The following MARCO variants were observed in gnomAD, a reference collection of about 807,000 sequenced individuals.
MARCO encodes macrophage receptor with collagenous structure.
A neutral mutation model predicts 70.0 loss-of-function variants in MARCO; 72 were observed. That is an observed-to-expected ratio of 1.03 (90% CI 0.85 to 1.25). The LOEUF is 1.25. MARCO is among the 50% of genes most tolerant of loss of function. The probability of loss-of-function intolerance (pLI) is 0.00; values close to 1 mark genes in which losing one functional copy is unlikely to be tolerated. For synonymous variants in MARCO, 273 were observed against 243.1 expected (o/e 1.12, Z -1.14); for missense variants, 696 against 659.3 (o/e 1.06, Z -0.61).
chr2:118,978,855 A>C (rs2104592592), intron 8 of MARCO, among the ~76,000 whole-genome samples: 1 of 152,282 alleles, frequency 6.6e-6, no homozygotes. Flanking sequence ...TAGTATTAGT[A>C]ATAATAATAG....
intron 12 of MARCO, among the ~76,000 whole-genome samples, chr2:118,986,883 C>G (rs1680528772): frequency 6.6e-6 from 1 of 152,134 alleles, no homozygotes; most frequent in Non-Finnish European, 1.5e-5. Flanking sequence ...TCAGCTTGAA[C>G]TTACCCCTGA....
At chr2:118,986,664 GGAAGGA>G (rs1680504039) in intron 12 of MARCO, among the ~76,000 whole-genome samples, 2 of 35,374 alleles carry the variant, frequency 5.7e-5, no homozygotes, top group East Asian at 7.4e-4. Context: ...AAGGAAGGAA[GGAAGGA>G]AGGAAAGAAA....
At chr2:118,964,089 C>T (rs28877606) in intron 1 of MARCO, among the ~76,000 whole-genome samples, 27,997 of 152,080 alleles carry the variant, frequency 0.18, 3,398 homozygotes, top group African/African-American at 0.33. Flanking sequence ...TTGCAATATA[C>T]ATACAGAACA....
At chr2:118,944,753 A>T (rs1043461586) in intron 1 of MARCO, 2 of 152,090 alleles carry the variant, frequency 1.3e-5, no homozygotes, top group Non-Finnish European at 2.9e-5. Flanking sequence ...AACTTTTGGA[A>T]TATAACCTTC....
chr2:118,966,828 G>A (rs1171293871), intron 1 of MARCO, among the ~76,000 whole-genome samples: 1 of 152,164 alleles, frequency 6.6e-6, no homozygotes, highest in Non-Finnish European at 1.5e-5. Flanking sequence ...CCATGACACT[G>A]TATTTGCCAA....
chr2:118,990,828 C>T (rs991976759), intron 13 of MARCO, among the ~76,000 whole-genome samples, 195 bp downstream of exon 13: 3 of 152,110 alleles, frequency 2.0e-5, no homozygotes, highest in Non-Finnish European at 4.4e-5. Flanking sequence ...ACTCAACATC[C>T]TGAGGGGTGT....
intron 1 of MARCO, among the ~76,000 whole-genome samples, chr2:118,967,486 G>A (rs1043446013): frequency 3.9e-5 from 6 of 152,100 alleles, no homozygotes. Flanking sequence ...GAATGACTTG[G>A]GCAGGTTATG....
chr2:118,953,618 T>C (rs1025302853), intron 1 of MARCO, among the ~76,000 whole-genome samples: 3 of 152,056 alleles, frequency 2.0e-5, no homozygotes, highest in African/African-American at 4.8e-5. Flanking sequence ...GAGGCTTGCA[T>C]TGTGAATTTT....
intron 1 of MARCO, among the ~76,000 whole-genome samples, chr2:118,951,793 T>C (rs1679727001): frequency 6.6e-6 from 1 of 152,170 alleles, no homozygotes; most frequent in South Asian, 2.1e-4. Context: ...TCTCTCTCTT[T>C]CTCTCTCTTC....
At chr2:118,962,527 T>C (rs941738354) in intron 1 of MARCO, among the ~76,000 whole-genome samples, 1 of 152,104 alleles carries the variant, frequency 6.6e-6, no homozygotes, top group Admixed American at 6.6e-5. Flanking sequence ...TGCCTTTTAC[T>C]GAAGATTTTT....
intron 1 of MARCO, among the ~76,000 whole-genome samples, chr2:118,962,659 T>G (rs1199892906): frequency 1.3e-5 from 2 of 152,182 alleles, no homozygotes; most frequent in Non-Finnish European, 2.9e-5. Context: ...TTCTTCCTTT[T>G]CTGTAAGAGA....
At chr2:118,968,974 G>C (rs924857070) in intron 1 of MARCO, among the ~76,000 whole-genome samples, 186 bp from the exon 2 acceptor site, 1 of 152,212 alleles carries the variant, frequency 6.6e-6, no homozygotes, top group Admixed American at 6.5e-5. Flanking sequence ...GACCAACAGT[G>C]GCAATTTTTG....
chr2:118,982,328 CTG>C lies in MARCO; in HGVS notation c.1001-17_1001-16del, dbSNP rs1680410270. ...CTGCCTAGTCCAGCCCTTATGCTCT[CTG>C]TGGTGTCTGTTGTCCAGGACTTCCA... On this transcript the variant is annotated intron_variant, in intron 11 of 16. Coordinates refer to ENST00000327097, the MANE Select transcript of MARCO (RefSeq NM_006770.4). The C allele has an allele frequency of 1.2e-6, 2 of 1,613,778 alleles. No homozygotes were observed. The highest frequency in any genetic ancestry group is 2.2e-5 in the East Asian group (1 of 44,870).
chr2:118,967,040 T>C lies in MARCO; in HGVS notation c.98-2120T>C, dbSNP rs141275359. On this transcript the variant is annotated intron_variant, in intron 1 of 16. Coordinates refer to ENST00000327097, the MANE Select transcript of MARCO (RefSeq NM_006770.4). ...ATTCAGTCATCATCTTCCCAGCATG[T>C]TGTGTGCCAGATACCACGTTGGTGC... 9.3e-4 allele frequency among the ~76,000 whole-genome samples: 142 copies of C among 152,334 alleles called. 1 individual carries two copies. Among genetic ancestry groups the C allele is most frequent in the African/African-American group, 3.3e-3 (138 of 41,570 alleles).
At position 118,970,151 on chromosome 2, in the gene MARCO, G is replaced by A. The variant is rs1680134517; in HGVS notation, c.237G>A (p.Met79Ile). The change falls in exon 3 of 17, where the codon ATG (methionine) becomes ATA (isoleucine). Residue 79 changes from methionine to isoleucine, a missense_variant. This residue lies in a region of MARCO where 605 missense variants were observed against 537.6 expected (regional missense o/e 1.13). Transcript: ENST00000327097. ...AGGCGCGGCTCCGGGTCCTGGAGAT[G>A]TATTTCCTCAATGACACTCTGGCGG... Reference protein sequence around the residue: ...NLQARLRVLEMYFLNDTLAAE... With the variant: ...NLQARLRVLEIYFLNDTLAAE... 2 of 1,614,030 alleles carry A rather than the reference G, an allele frequency of 1.2e-6. No homozygotes were observed. The highest frequency in any genetic ancestry group is 1.3e-5 in the African/African-American group (1 of 74,916).
intron 1 of MARCO, among the ~76,000 whole-genome samples, chr2:118,957,449 A>G (rs1679858846): frequency 6.6e-6 from 1 of 152,130 alleles, no homozygotes. Flanking sequence ...GAAGAATTAG[A>G]TACCCTGAAC....
At position 118,982,217 on chromosome 2, in the gene MARCO, G is replaced by C. The variant is rs770203397; in HGVS notation, c.963G>C (p.Lys321Asn). 1 of 1,613,416 alleles carries C rather than the reference G, an allele frequency of 6.2e-7. No individual in the cohort carries two copies. The highest frequency in any genetic ancestry group is 8.5e-7 in the Non-Finnish European group (1 of 1,179,508). The change falls in exon 11 of 17, where the codon AAG (lysine) becomes AAC (asparagine). Residue 321 changes from lysine (K) to asparagine (N), a missense_variant. Lys to Asn is a moderately conservative substitution (Grantham distance 94). Transcript: ENST00000327097. The part of the protein sequence containing the change: ...PPGAVGHPGA[K>N]GEPGSAGSPG... Reference sequence around the variant, plus strand: ...GTGCAGTGGGACACCCAGGTGCCAAGGGTGAGCCTGGCAGTGCTGGCTCCC... The same window carrying C: ...GTGCAGTGGGACACCCAGGTGCCAACGGTGAGCCTGGCAGTGCTGGCTCCC...
intron 6 of MARCO, 122 bp from the exon 7 acceptor site, chr2:118,977,349 A>G (rs1490111347): frequency 1.9e-5 from 15 of 793,222 alleles, no homozygotes; most frequent in Non-Finnish European, 3.3e-5. Flanking sequence ...AGAGTGAGAG[A>G]GAGAGAAAGA....
intron 6 of MARCO, 146 bp downstream of exon 6, chr2:118,974,711 G>A: frequency 1.2e-6 from 1 of 817,452 alleles, no homozygotes; most frequent in Non-Finnish European, 1.9e-6. Context: ...ACCCCAGAGG[G>A]GATGAGAGGC....
Sources: gnomAD v4.1 joint callset for allele counts (sites outside exome capture counted in the v4.1 genomes callset) on GRCh38, gnomAD v4.1.1 for gene constraint, gnomAD v4.1.1 regional missense constraint, MANE v1.5 for transcripts, NCBI Gene and HGNC (gene_info 2026-07-23, HGNC 2026-07-21) for gene names.